Variants in CPA6 observed in about 807,000 individuals in gnomAD.
The protein encoded by CPA6 is carboxypeptidase A6.
Under a neutral mutation model 63.3 loss-of-function variants are expected in CPA6, and 58 were observed. The observed-to-expected ratio is 0.92, with a 90% confidence interval of 0.74 to 1.14. The LOEUF is 1.14. CPA6 is among the 50% of genes most tolerant of loss of function. CPA6 has a pLI of 0.00. For missense variants in CPA6, 565 were observed against 526.6 expected (o/e 1.07, Z -0.71); for synonymous variants, 185 against 179.0 (o/e 1.03, Z -0.27).
intron 1 of CPA6, among the ~76,000 whole-genome samples, chr8:67,712,866 G>T (rs953554672): frequency 1.3e-5 from 2 of 151,346 alleles, no homozygotes; most frequent in Non-Finnish European, 3.0e-5. Context: ...CACTGTACAC[G>T]GACCCGCCTG....
In CPA6 at chr8:67,659,242, A is replaced by G. The variant is rs16933497; in HGVS notation, c.117-34991T>C. 3.5e-3 allele frequency among the ~76,000 whole-genome samples: 534 copies of G among 152,284 alleles called. 5 individuals are homozygous for G. Among genetic ancestry groups the G allele is most frequent in the African/African-American group, 0.012 (495 of 41,550 alleles). Reference sequence around the variant, plus strand: ...CTCCCTTCCAAATGGAAGCAGATACATAATAGAGTTCAAATTCAGATTACA... The same window carrying G: ...CTCCCTTCCAAATGGAAGCAGATACGTAATAGAGTTCAAATTCAGATTACA... On this transcript the variant is annotated intron_variant, in intron 1 of 10. Coordinates refer to ENST00000297770, the MANE Select transcript of CPA6 (RefSeq NM_020361.5).
chr8:67,601,116 A>G (rs982701205), intron 2 of CPA6, among the ~76,000 whole-genome samples: 1 of 152,176 alleles, frequency 6.6e-6, no homozygotes. Flanking sequence ...GTAATATCAG[A>G]TGTCTTGATT....
Position 67,492,954 on chromosome 8 carries a change from T to C in CPA6, c.637-8165A>G, listed in dbSNP as rs569392292. On this transcript the variant is annotated intron_variant, in intron 6 of 10. Transcript: ENST00000297770. Reference sequence around the variant, plus strand: ...TGGGGAGAGTGAGCATGGGAGAACATAGGGAACTAACGGTACTGAAGGCCA... The same window carrying C: ...TGGGGAGAGTGAGCATGGGAGAACACAGGGAACTAACGGTACTGAAGGCCA... Among the ~76,000 whole-genome samples, 7 of 152,226 alleles carry C rather than the reference T, an allele frequency of 4.6e-5. No homozygotes were observed. In the East Asian group the frequency reaches 9.6e-4, roughly 21 times the overall value.
rs189446783 is a variant in CPA6 at position 67,428,982 on chromosome 8, A to C, written c.1042-851T>G. Reference sequence around the variant, plus strand: ...ACATTGATTCTTAAGTATATATTTCACTGGGTATGTACAAGGTATTTAGAA... The same window carrying C: ...ACATTGATTCTTAAGTATATATTTCCCTGGGTATGTACAAGGTATTTAGAA... On this transcript the variant is annotated intron_variant, in intron 9 of 10. Transcript: ENST00000297770. Among the ~76,000 whole-genome samples, 291 of 152,308 alleles carry C rather than the reference A, an allele frequency of 1.9e-3. 3 individuals are homozygous for C. Among genetic ancestry groups the C allele is most frequent in the African/African-American group, 6.6e-3 (276 of 41,562 alleles).
intron 2 of CPA6, chr8:67,570,220 T>C (rs551369542): frequency 1.3e-5 from 2 of 152,338 alleles, no homozygotes; most frequent in East Asian, 3.9e-4. Flanking sequence ...CCAGAAAAGC[T>C]GTCTTTCAGA....
intron 6 of CPA6, among the ~76,000 whole-genome samples, chr8:67,489,927 C>T (rs1044869809): frequency 6.6e-6 from 1 of 152,114 alleles, no homozygotes; most frequent in African/African-American, 2.4e-5. Context: ...GTATTCTATT[C>T]TGGAAACAGT....
At chr8:67,595,792 T>A (rs979083908) in intron 2 of CPA6, among the ~76,000 whole-genome samples, 6 of 152,316 alleles carry the variant, frequency 3.9e-5, no homozygotes, top group Non-Finnish European at 7.3e-5. Flanking sequence ...CTGTCACCCC[T>A]TTCCTTGACC....
At chr8:67,587,832 G>C (rs576702627) in intron 2 of CPA6, among the ~76,000 whole-genome samples, 13 of 152,276 alleles carry the variant, frequency 8.5e-5, no homozygotes, top group Middle Eastern at 6.8e-3. Flanking sequence ...AGGATGATGA[G>C]AGCGATTGAA....
chr8:67,579,176 C>T (rs1039283986), intron 2 of CPA6, among the ~76,000 whole-genome samples: 7 of 152,010 alleles, frequency 4.6e-5, no homozygotes, highest in Non-Finnish European at 1.0e-4. Context: ...TTTAGGAGGT[C>T]GAAGTAGGCG....
intron 1 of CPA6, among the ~76,000 whole-genome samples, chr8:67,739,760 C>G (rs1817878604): frequency 6.6e-6 from 1 of 152,092 alleles, no homozygotes; most frequent in African/African-American, 2.4e-5. Context: ...GAGGATTCTG[C>G]CTTTGATGTA....
At chr8:67,709,040 G>A (rs187433534) in intron 1 of CPA6, among the ~76,000 whole-genome samples, 1 of 152,314 alleles carries the variant, frequency 6.6e-6, no homozygotes, top group Non-Finnish European at 1.5e-5. Flanking sequence ...TTGGGAAAGT[G>A]TGCTCAAGCA....
intron 8 of CPA6, among the ~76,000 whole-genome samples, chr8:67,439,563 TG>T (rs1810240962): frequency 1.4e-5 from 2 of 147,392 alleles, no homozygotes; most frequent in Non-Finnish European, 3.0e-5. Flanking sequence ...CACTCCAGCC[TG>T]GGTGACAAGA....
chr8:67,475,627 C>T (rs1307714296), intron 8 of CPA6, among the ~76,000 whole-genome samples: 1 of 152,140 alleles, frequency 6.6e-6, no homozygotes, highest in Non-Finnish European at 1.5e-5. Context: ...TATTTGGGTT[C>T]TCAGTTTGCA....
At position 67,678,038 on chromosome 8, in the gene CPA6, C is replaced by G. The variant is rs576962886; in HGVS notation, c.117-53787G>C. Among the ~76,000 whole-genome samples the G allele has an allele frequency of 7.9e-5, 12 of 152,110 alleles. No homozygotes were observed. The South Asian group carries it at 2.5e-3, about 32-fold the overall frequency. ...ATCACCTGAGGTTAGGGGTTCAGGA[C>G]CGGCCTGGCCAAAACCCTGTCTCTA... On this transcript the variant is annotated intron_variant, in intron 1 of 10. Coordinates refer to ENST00000297770, the MANE Select transcript of CPA6 (RefSeq NM_020361.5).
chr8:67,683,116 G>A (rs1816632973), intron 1 of CPA6, among the ~76,000 whole-genome samples: 1 of 152,212 alleles, frequency 6.6e-6, no homozygotes, highest in African/African-American at 2.4e-5. Flanking sequence ...TCTAGCAGTA[G>A]CTGGAGCAAT....
intron 2 of CPA6, among the ~76,000 whole-genome samples, chr8:67,622,476 A>G (rs1192612184): frequency 6.6e-6 from 1 of 152,174 alleles, no homozygotes; most frequent in African/African-American, 2.4e-5. Flanking sequence ...AAACAACCAC[A>G]ATTTGGGGAT....
At chr8:67,519,427 A>G (rs1335154403) in intron 2 of CPA6, among the ~76,000 whole-genome samples, 1 of 152,100 alleles carries the variant, frequency 6.6e-6, no homozygotes, top group African/African-American at 2.4e-5. Flanking sequence ...CTAAGCCCTT[A>G]TCTGATAAGG....
intron 2 of CPA6, among the ~76,000 whole-genome samples, chr8:67,562,144 G>A (rs1338578745): frequency 6.6e-6 from 1 of 152,202 alleles, no homozygotes. Flanking sequence ...GTGTCAATAC[G>A]ATGAGGGGAA....
chr8:67,721,820 C>T (rs748399250), intron 1 of CPA6, among the ~76,000 whole-genome samples: 4 of 152,120 alleles, frequency 2.6e-5, no homozygotes, highest in Admixed American at 6.5e-5. Context: ...ATGCTTGTTG[C>T]CATTATGTTT....
Sources: allele counts gnomAD v4.1 joint callset (sites outside exome capture counted in the v4.1 genomes callset), GRCh38; gene constraint gnomAD v4.1.1; transcripts MANE v1.5; gene names NCBI Gene and HGNC (gene_info 2026-07-23, HGNC 2026-07-21).